The following BCL2L11 variants were observed in gnomAD, a reference collection of about 807,000 sequenced individuals.
BCL2L11 encodes the protein bcl-2-like protein 11.
Under a neutral mutation model 20.6 loss-of-function variants are expected in BCL2L11, and 15 were observed. That is an observed-to-expected ratio of 0.73 (90% CI 0.49 to 1.12). The LOEUF (loss-of-function observed/expected upper bound fraction) is 1.12. Among genes scored for constraint, BCL2L11 ranks in the 50% most tolerant of loss-of-function variants. The pLI, the probability that BCL2L11 is intolerant of heterozygous loss-of-function variation, is 0.00. For synonymous variants in BCL2L11, 108 were observed against 92.8 expected (o/e 1.16, Z -0.94); for missense variants, 292 against 260.9 (o/e 1.12, Z -0.82).
intron 3 of BCL2L11, among the ~76,000 whole-genome samples, chr2:111,158,327 C>A (rs1205248011): frequency 1.3e-5 from 2 of 152,070 alleles, no homozygotes; most frequent in African/African-American, 4.8e-5. Context: ...CATGTCCCAC[C>A]CTGCCACCTC....
chr2:111,156,651 C>T (rs1271972671), intron 3 of BCL2L11, among the ~76,000 whole-genome samples: 1 of 151,906 alleles, frequency 6.6e-6, no homozygotes, highest in East Asian at 1.9e-4. Context: ...TTCTGTTACT[C>T]GTTGAAGCCA....
Position 111,164,387 on chromosome 2 carries a change from A to G in BCL2L11, c.*156A>G. 1 of 602,100 alleles carries G rather than the reference A, an allele frequency of 1.7e-6. No homozygotes were observed. Among genetic ancestry groups the G allele is most frequent in the South Asian group, 2.0e-5 (1 of 49,716 alleles). 37.3% of individuals were successfully genotyped at this position (602,100 alleles called of 1,614,324 possible). On this transcript the variant is annotated 3_prime_UTR_variant, in exon 4 of 4. Transcript: ENST00000393256. Reference sequence around the variant, plus strand: ...TTCAGAAGACACCGAGCTGGATGGGACTACCTTTCTGTTCATCACCACACA... The same window carrying G: ...TTCAGAAGACACCGAGCTGGATGGGGCTACCTTTCTGTTCATCACCACACA...
rs1396781280 is a variant in BCL2L11, at chr2:111,168,436, T to C, written c.*4205T>C. 1 of 152,664 alleles carries C rather than the reference T, an allele frequency of 6.6e-6. No homozygotes were observed. The highest frequency in any genetic ancestry group is 2.4e-5 in the African/African-American group (1 of 41,468). The allele number at this position is 152,664 out of a possible 1,614,324, so 9.5% of individuals were successfully genotyped here. A position where few individuals can be genotyped will look rare whatever the true frequency, so the allele number is the denominator to read the frequency against. ...TGTTAATTTTATAAAAATAAAACTT[T>C]CAACTAGTTTTGGTGAGCGTTTGAT... On this transcript the variant is annotated 3_prime_UTR_variant, in exon 4 of 4. Transcript: ENST00000393256.
At chr2:111,157,197 C>T (rs1354878095) in intron 3 of BCL2L11, among the ~76,000 whole-genome samples, 1 of 152,128 alleles carries the variant, frequency 6.6e-6, no homozygotes, top group Non-Finnish European at 1.5e-5. Flanking sequence ...TAACACATAA[C>T]CATGAGGAAG....
intron 3 of BCL2L11, among the ~76,000 whole-genome samples, chr2:111,160,946 C>T (rs529092740): frequency 6.6e-6 from 1 of 152,292 alleles, no homozygotes; most frequent in East Asian, 1.9e-4. Context: ...CTGGGTGGCT[C>T]ACACAACAGG....
At chr2:111,128,560 A>G in intron 2 of BCL2L11, 2 of 1,434,530 alleles carry the variant, frequency 1.4e-6, no homozygotes, top group Non-Finnish European at 9.1e-7. Flanking sequence ...CATTCCCACC[A>G]ACAGGGCACA....
At chr2:111,151,951 T>C in intron 3 of BCL2L11, 1 of 1,383,108 alleles carries the variant, frequency 7.2e-7, no homozygotes, top group Non-Finnish European at 1.0e-6. Context: ...AACCATTCCC[T>C]CCAGTTCCTC....
At chr2:111,161,696 C>G in intron 3 of BCL2L11, 2 of 1,033,266 alleles carry the variant, frequency 1.9e-6, no homozygotes, top group South Asian at 1.8e-5. Flanking sequence ...TCCTGACTTT[C>G]CAATTCCATC....
At chr2:111,158,291 A>G (rs1336164556) in intron 3 of BCL2L11, among the ~76,000 whole-genome samples, 2 of 152,138 alleles carry the variant, frequency 1.3e-5, no homozygotes, top group Admixed American at 1.3e-4. Flanking sequence ...TAGTTCTAAC[A>G]GAATCAGGGG....
chr2:111,135,119 A>G (rs1425529116), intron 2 of BCL2L11, among the ~76,000 whole-genome samples: 1 of 152,116 alleles, frequency 6.6e-6, no homozygotes, highest in Admixed American at 6.5e-5. Flanking sequence ...TGGAACTCTG[A>G]TGATAAGAAT....
At chr2:111,154,037 C>T (rs1026185750) in intron 3 of BCL2L11, 6 of 1,034,436 alleles carry the variant, frequency 5.8e-6, no homozygotes, top group Admixed American at 7.9e-5. Context: ...ATTTTGGTAA[C>T]TTCATTTGGA....
At position 111,150,059 on chromosome 2, in the gene BCL2L11, C is replaced by G; in HGVS notation, c.410C>G (p.Ala137Gly). ...YLSAMASMRQAEPADMRPEIW... is the reference protein window; with the variant it reads ...YLSAMASMRQGEPADMRPEIW... ...TCTGATGCAGCTTCCATGAGGCAGG[C>G]TGAACCTGCAGATATGCGCCCAGAG... The change falls in exon 3 of 4, where the codon GCT (alanine) becomes GGT (glycine). Residue 137 changes from alanine (A) to glycine (G), a missense_variant. Physicochemically the swap from Ala to Gly is moderately conservative, Grantham distance 60 (BLOSUM62 0). Transcript: ENST00000393256. 6.2e-7 allele frequency: 1 copy of G among 1,613,770 alleles called. No homozygotes were observed. The highest frequency in any genetic ancestry group is 1.7e-5 in the Admixed American group (1 of 60,018).
chr2:111,140,762 TCTA>T (rs1354396838), intron 2 of BCL2L11, among the ~76,000 whole-genome samples: 1 of 152,256 alleles, frequency 6.6e-6, no homozygotes, highest in Non-Finnish European at 1.5e-5. Flanking sequence ...GATCATAAAT[TCTA>T]CTAAATTAGT....
At chr2:111,128,760 T>A (rs1033828433) in intron 2 of BCL2L11, 2 of 1,544,942 alleles carry the variant, frequency 1.3e-6, no homozygotes, top group Non-Finnish European at 1.7e-6. Flanking sequence ...GATACCTTTT[T>A]ATAGCCACAG....
At chr2:111,124,728 G>T (rs977564439) in intron 2 of BCL2L11, among the ~76,000 whole-genome samples, 2 of 152,204 alleles carry the variant, frequency 1.3e-5, no homozygotes, top group African/African-American at 4.8e-5. Context: ...CATTTTGCTT[G>T]AAAGGGAACT....
At chr2:111,124,227 A>T (rs945776630) in intron 2 of BCL2L11, 88 bp downstream of exon 2, 19 of 1,403,268 alleles carry the variant, frequency 1.4e-5, no homozygotes, top group Non-Finnish European at 1.7e-5. Context: ...TCCCCTTTTA[A>T]AACCCCGTAA....
At chr2:111,139,949 G>A (rs557003498) in intron 2 of BCL2L11, among the ~76,000 whole-genome samples, 12 of 152,334 alleles carry the variant, frequency 7.9e-5, no homozygotes, top group Non-Finnish European at 1.5e-4. Flanking sequence ...TGTGGACCAC[G>A]AGGCAGCAGT....
At chr2:111,149,303 G>A (rs12612036) in intron 2 of BCL2L11, among the ~76,000 whole-genome samples, 5 of 152,174 alleles carry the variant, frequency 3.3e-5, no homozygotes, top group African/African-American at 1.2e-4. Context: ...GTGAATGTTA[G>A]TGACAGCTTA....
At chr2:111,158,223 T>C (rs569208802) in intron 3 of BCL2L11, among the ~76,000 whole-genome samples, 41 of 152,218 alleles carry the variant, frequency 2.7e-4, no homozygotes, top group Non-Finnish European at 5.9e-4. Context: ...TCTGTGTCAC[T>C]TAGTTGCCAG....
Sources: allele counts gnomAD v4.1 joint callset (sites outside exome capture counted in the v4.1 genomes callset), GRCh38; gene constraint gnomAD v4.1.1; transcripts MANE v1.5; gene names NCBI Gene and HGNC (gene_info 2026-07-23, HGNC 2026-07-21).